The following PREP variants were observed in gnomAD, a reference collection of about 807,000 sequenced individuals.
The protein encoded by PREP is prolyl endopeptidase, also known as dJ355L5.1 (prolyl endopeptidase).
In PREP, 29 loss-of-function variants were observed where a neutral mutation model predicts 87.6. The observed-to-expected ratio is 0.33, with a 90% CI of 0.25 to 0.45. The LOEUF (loss-of-function observed/expected upper bound fraction) is 0.45. Among genes scored for constraint, PREP ranks in the 20% least tolerant of loss-of-function variants. The probability of loss-of-function intolerance (pLI) is 1.00; values close to 1 mark genes in which losing one functional copy is unlikely to be tolerated. For missense variants in PREP, 695 were observed against 886.5 expected (o/e 0.78, Z 2.74); for synonymous variants, 337 against 328.6 (o/e 1.03, Z -0.28).
intron 10 of PREP, 122 bp downstream of exon 10, chr6:105,323,543 G>A: frequency 1.1e-6 from 1 of 884,008 alleles, no homozygotes; most frequent in East Asian, 2.6e-5. Context: ...CAACCGTGGG[G>A]GCTACAAAAT....
chr6:105,315,204 C>T (rs1016636528), intron 10 of PREP, among the ~76,000 whole-genome samples: 10 of 152,128 alleles, frequency 6.6e-5, no homozygotes, highest in African/African-American at 2.4e-4. Context: ...TGCTCTGTCG[C>T]CCAGGCTGGA....
rs1771913419 is a variant in PREP, at chr6:105,350,273, T to C, written c.823+2699A>G. ...GCATGCCAGAAACCCTGCTAAGTCCTTTTCTTTGCATTTTCATTATTCCTC... is the reference window on the plus strand; with the variant it reads ...GCATGCCAGAAACCCTGCTAAGTCCCTTTCTTTGCATTTTCATTATTCCTC... On this transcript the variant is annotated intron_variant, in intron 7 of 14. Transcript: ENST00000652536. Among the ~76,000 whole-genome samples the C allele has an allele frequency of 2.0e-5, 3 of 152,180 alleles. No homozygotes were observed. In the South Asian group the frequency reaches 6.2e-4, roughly 32 times the overall value.
intron 7 of PREP, among the ~76,000 whole-genome samples, chr6:105,342,468 G>T (rs1771682844): frequency 6.6e-6 from 1 of 152,124 alleles, no homozygotes; most frequent in Non-Finnish European, 1.5e-5. Flanking sequence ...TTTGAAAACT[G>T]GCACAAGACA....
At chr6:105,387,149 C>A (rs565949907) in intron 2 of PREP, among the ~76,000 whole-genome samples, 7 of 151,846 alleles carry the variant, frequency 4.6e-5, no homozygotes, top group African/African-American at 1.7e-4. Flanking sequence ...TTGAACTTGC[C>A]GGGTGGAGGT....
chr6:105,396,323 G>A (rs1185614506), intron 2 of PREP, among the ~76,000 whole-genome samples: 3 of 152,224 alleles, frequency 2.0e-5, no homozygotes, highest in Admixed American at 2.0e-4. Flanking sequence ...TAAGAGCTTT[G>A]CAGTGGGCAA....
chr6:105,382,776 G>A (rs534260225), intron 2 of PREP, among the ~76,000 whole-genome samples: 1 of 152,320 alleles, frequency 6.6e-6, no homozygotes, highest in East Asian at 1.9e-4. Flanking sequence ...GGGACTTCCA[G>A]GTAGAGACTG....
intron 2 of PREP, among the ~76,000 whole-genome samples, chr6:105,396,722 C>G (rs993060206): frequency 6.6e-6 from 1 of 151,874 alleles, no homozygotes; most frequent in Non-Finnish European, 1.5e-5. Flanking sequence ...ACGTACCCTG[C>G]AACTCTAAAG....
In PREP at chr6:105,373,359, C is replaced by A; in HGVS notation, c.595+10G>T. The A allele has an allele frequency of 6.2e-7, 1 of 1,613,168 alleles. No homozygotes were observed. Among genetic ancestry groups the A allele is most frequent in the South Asian group, 1.1e-5 (1 of 91,034 alleles). The stretch of plus-strand genomic sequence containing the variant: ...GTGAAAAATGTGCTTCATCTGAAGT[C>A]TTCACTCACCATCACTTTTTCCATC... On this transcript the variant is annotated intron_variant, in intron 5 of 14. Coordinates refer to ENST00000652536, the MANE Select transcript of PREP (RefSeq NM_002726.5).
In PREP at chr6:105,274,673, C is replaced by G. The variant is rs1286966582; in HGVS notation, c.*3471G>C. On this transcript the variant is annotated 3_prime_UTR_variant, in exon 15 of 15. Coordinates refer to ENST00000652536, the MANE Select transcript of PREP (RefSeq NM_002726.5). Reference sequence around the variant, plus strand: ...ATACCAGCTACTGGGAAGGCTGAGGCAGGAGAATCACGTGAACCCAAGAGG... The same window carrying G: ...ATACCAGCTACTGGGAAGGCTGAGGGAGGAGAATCACGTGAACCCAAGAGG... Among the ~76,000 whole-genome samples the G allele has an allele frequency of 6.6e-6, 1 of 152,076 alleles. No individual in the cohort carries two copies. Among genetic ancestry groups the G allele is most frequent in the Non-Finnish European group, 1.5e-5 (1 of 68,002 alleles).
At chr6:105,303,112 C>CATGTATGTATGTATGTATGTATGTATGT (rs141833268) in intron 10 of PREP, among the ~76,000 whole-genome samples, 1 of 150,664 alleles carries the variant, frequency 6.6e-6, no homozygotes, top group Non-Finnish European at 1.5e-5. Context: ...AAATGAAGTC[C>CATGTATGTATGTATGTATGTATGTATGT]ATGTATGTAT....
intron 6 of PREP, among the ~76,000 whole-genome samples, chr6:105,364,352 G>A (rs968240706): frequency 2.0e-5 from 3 of 152,224 alleles, no homozygotes; most frequent in African/African-American, 7.2e-5. Flanking sequence ...GGAACTTCCT[G>A]AGATCTGCCT....
chr6:105,355,429 G>A (rs1171195415), intron 6 of PREP, among the ~76,000 whole-genome samples: 1 of 152,122 alleles, frequency 6.6e-6, no homozygotes, highest in Non-Finnish European at 1.5e-5. Flanking sequence ...TCTTTCCACT[G>A]TTTTCTGACT....
At chr6:105,385,170 G>A (rs891745702) in intron 2 of PREP, among the ~76,000 whole-genome samples, 16 of 147,474 alleles carry the variant, frequency 1.1e-4, no homozygotes, top group Non-Finnish European at 2.1e-4. Flanking sequence ...TGTTTTATGA[G>A]AAAGAATAAA....
intron 6 of PREP, among the ~76,000 whole-genome samples, chr6:105,361,936 T>C (rs545343968): frequency 6.6e-6 from 1 of 152,292 alleles, no homozygotes; most frequent in South Asian, 2.1e-4. Context: ...ACAAATAAAG[T>C]TACCCAGCTT....
chr6:105,372,734 C>T (rs1366840794), intron 5 of PREP, among the ~76,000 whole-genome samples: 1 of 152,218 alleles, frequency 6.6e-6, no homozygotes, highest in Non-Finnish European at 1.5e-5. Context: ...AATCACTCAA[C>T]ATAATCAAAT....
chr6:105,316,010 G>C (rs1770856556), intron 10 of PREP, among the ~76,000 whole-genome samples: 2 of 152,140 alleles, frequency 1.3e-5, no homozygotes, highest in African/African-American at 4.8e-5. Flanking sequence ...CAATAAGGCT[G>C]TTTTGCTTTC....
Position 105,368,970 on chromosome 6 carries a change from G to A in PREP, c.650C>T (p.Thr217Ile), listed in dbSNP as rs369220661. The stretch of plus-strand genomic sequence containing the variant: ...ACACAAAATATCTTCTGACTGATCG[G>A]TTCCCAAGACATGGTAGTAGAGCTT... ...HQKLYYHVLG[T>I]DQSEDILCAE... The change falls in exon 6 of 15, where the codon ACC (threonine) becomes ATC (isoleucine). Residue 217 changes from threonine to isoleucine, a missense_variant. Physicochemically the swap from Thr to Ile is moderately conservative, Grantham distance 89. Transcript: ENST00000652536. 1 of 1,613,876 alleles carries A rather than the reference G, an allele frequency of 6.2e-7. No homozygotes were observed. The highest frequency in any genetic ancestry group is 1.3e-5 in the African/African-American group (1 of 74,908).
At chr6:105,282,039 A>C in intron 13 of PREP, 137 bp from the exon 14 acceptor site, 1 of 1,080,166 alleles carries the variant, frequency 9.3e-7, no homozygotes, top group Non-Finnish European at 1.3e-6. Context: ...AACCATCAGA[A>C]ATCACCTGCC....
At chr6:105,324,458 A>G (rs1392192577) in intron 9 of PREP, among the ~76,000 whole-genome samples, 1 of 152,240 alleles carries the variant, frequency 6.6e-6, no homozygotes, top group Non-Finnish European at 1.5e-5. Context: ...TAATGCTACT[A>G]CTTTCTAACA....
Sources: gnomAD v4.1 joint callset for allele counts (sites outside exome capture counted in the v4.1 genomes callset) on GRCh38, gnomAD v4.1.1 for gene constraint, MANE v1.5 for transcripts, NCBI Gene and HGNC (gene_info 2026-07-23, HGNC 2026-07-21) for gene names.